The following MYO5A variants were observed in gnomAD, a reference collection of about 807,000 sequenced individuals.
MYO5A encodes the protein myosin VA.
A neutral mutation model predicts 249.7 loss-of-function variants in MYO5A; 98 were observed. That is an observed-to-expected ratio of 0.39 (90% confidence interval 0.33 to 0.46). The LOEUF (loss-of-function observed/expected upper bound fraction) is 0.46, where lower values mean the gene tolerates loss of function less well. Among genes scored for constraint, MYO5A ranks in the 20% least tolerant of loss-of-function variants. MYO5A has a pLI of 0.98. For synonymous variants in MYO5A, 778 were observed against 810.6 expected, an observed-to-expected ratio of 0.96 and a Z score of 0.68; for missense variants, 1,696 against 2,308.8, an observed-to-expected ratio of 0.73 and a Z score of 5.44.
intron 12 of MYO5A, among the ~76,000 whole-genome samples, chr15:52,390,510 C>T (rs1452832429): frequency 6.6e-6 from 1 of 150,792 alleles, no homozygotes; most frequent in Non-Finnish European, 1.5e-5. Flanking sequence ...GAGTAGTCTC[C>T]TCTTGCCATT....
chr15:52,471,015 T>C (rs1007782744), intron 1 of MYO5A, among the ~76,000 whole-genome samples: 2 of 75,788 alleles, frequency 2.6e-5, no homozygotes, highest in African/African-American at 9.6e-5. Context: ...AGAGCAAGAC[T>C]CCATCTCAAA....
rs1428458059 is a variant in MYO5A at position 52,507,697 on chromosome 15, T to C, written c.27+21083A>G. Among the ~76,000 whole-genome samples the C allele has an allele frequency of 5.3e-5, 8 of 150,378 alleles. No individual in the cohort carries two copies. The East Asian group carries it at 1.6e-3, about 30-fold the overall frequency. On this transcript the variant is annotated intron_variant, in intron 1 of 41. Transcript: ENST00000399233. ...AGGGCATAGTGGCATGCACCTGTAG[T>C]CCCAGCCGAAGTGGGAGGATCACTT...
intron 40 of MYO5A, among the ~76,000 whole-genome samples, chr15:52,316,470 T>G (rs1168187727): frequency 6.6e-6 from 1 of 152,166 alleles, no homozygotes; most frequent in East Asian, 1.9e-4. Flanking sequence ...ACTACAGAAT[T>G]TGCTAGAACC....
chr15:52,321,571 T>C (rs2038314526), intron 37 of MYO5A, 62 bp from the exon 38 acceptor site: 3 of 1,565,792 alleles, frequency 1.9e-6, no homozygotes, highest in Middle Eastern at 1.7e-4. Context: ...AGTTTAACTA[T>C]CTCCAATTTG....
intron 14 of MYO5A, among the ~76,000 whole-genome samples, chr15:52,385,597 A>G (rs1350079649): frequency 1.6e-5 from 2 of 126,412 alleles, no homozygotes; most frequent in East Asian, 2.3e-4. Context: ...CTCCTTTTCA[A>G]ATTGTAAGCT....
rs2037728828 is a variant in MYO5A, at chr15:52,310,004, C to A, written c.*3692G>T. On this transcript the variant is annotated 3_prime_UTR_variant, in exon 42 of 42. Coordinates refer to ENST00000399233, the MANE Select transcript of MYO5A (RefSeq NM_001382347.1). ...TTATAATAATATAGTATTTTCATAG[C>A]CTCCCCTAACATGTAGCTGTAACCT... 6.6e-6 allele frequency: 1 copy of A among 152,096 alleles called. No homozygotes were observed. The highest frequency in any genetic ancestry group is 6.6e-5 in the Admixed American group (1 of 15,260). 9.4% of individuals were successfully genotyped at this position (152,096 alleles called of 1,614,324 possible).
At chr15:52,474,162 G>A (rs927052042) in intron 1 of MYO5A, among the ~76,000 whole-genome samples, 1 of 152,150 alleles carries the variant, frequency 6.6e-6, no homozygotes, top group Non-Finnish European at 1.5e-5. Flanking sequence ...ATTGTGAATG[G>A]GAGTTCACTC....
At chr15:52,507,556 A>G (rs2077298885) in intron 1 of MYO5A, among the ~76,000 whole-genome samples, 1 of 152,116 alleles carries the variant, frequency 6.6e-6, no homozygotes, top group Non-Finnish European at 1.5e-5. Context: ...AGGGACTCAC[A>G]CCTGTAATCC....
chr15:52,438,655 A>C (rs763893265), intron 1 of MYO5A, among the ~76,000 whole-genome samples: 16 of 152,244 alleles, frequency 1.1e-4, no homozygotes, highest in Non-Finnish European at 2.1e-4. Context: ...CAGGAGGTAA[A>C]GAAATAGCTA....
chr15:52,437,741 T>G (rs2075698053), intron 1 of MYO5A, among the ~76,000 whole-genome samples: 1 of 152,150 alleles, frequency 6.6e-6, no homozygotes, highest in East Asian at 1.9e-4. Context: ...ATGAGGAGAC[T>G]TTAAATCTAG....
At chr15:52,328,082 C>T in intron 35 of MYO5A, 76 bp from the exon 36 acceptor site, 2 of 1,230,448 alleles carry the variant, frequency 1.6e-6, no homozygotes, top group Admixed American at 1.8e-5. Flanking sequence ...TATAAAAACA[C>T]AGTTGTCATG....
chr15:52,386,259 T>G (rs73410759), intron 14 of MYO5A, among the ~76,000 whole-genome samples: 1 of 151,918 alleles, frequency 6.6e-6, no homozygotes, highest in Admixed American at 6.6e-5. Flanking sequence ...CAGTGAGCCC[T>G]ATGATCATCA....
At chr15:52,362,327 G>A (rs912208018) in intron 24 of MYO5A, among the ~76,000 whole-genome samples, 19 of 152,170 alleles carry the variant, frequency 1.2e-4, no homozygotes, top group African/African-American at 4.6e-4. Flanking sequence ...CAGTGAGAGT[G>A]TCATTTACAG....
At chr15:52,392,754 C>G (rs1377027173) in intron 11 of MYO5A, among the ~76,000 whole-genome samples, 1 of 152,250 alleles carries the variant, frequency 6.6e-6, no homozygotes, top group African/African-American at 2.4e-5. Flanking sequence ...CTACCATGTG[C>G]CAGTCACTGC....
intron 4 of MYO5A, among the ~76,000 whole-genome samples, chr15:52,422,774 T>C (rs1469594510): frequency 6.6e-6 from 1 of 152,170 alleles, no homozygotes; most frequent in Non-Finnish European, 1.5e-5. Flanking sequence ...AGGAATGCAG[T>C]GGCACCATCT....
chr15:52,367,171 A>C (rs1404399702), intron 22 of MYO5A, 47 bp from the exon 23 acceptor site: 1 of 1,499,478 alleles, frequency 6.7e-7, no homozygotes, highest in Non-Finnish European at 9.3e-7. Flanking sequence ...GGACAGAGGA[A>C]GCCTGATGAC....
chr15:52,370,331 T>C lies in MYO5A; in HGVS notation c.2904A>G (p.Leu968=). ...CCTCTTCACTTAGTTGAAGACGTTC[T>C]AAGTCACTTCGTAGTTTCTCAGTCT... ...NSETEKLRSD[L]ERLQLSEEEA... is the part of the protein sequence containing the mutation. The change falls in exon 22 of 42, where the codon TTA becomes TTG. Residue 968 remains leucine (L), a synonymous_variant. Coordinates refer to ENST00000399233, the MANE Select transcript of MYO5A (RefSeq NM_001382347.1). 6.2e-7 allele frequency: 1 copy of C among 1,614,200 alleles called. No individual in the cohort carries two copies. The highest frequency in any genetic ancestry group is 8.5e-7 in the Non-Finnish European group (1 of 1,180,024).
intron 9 of MYO5A, among the ~76,000 whole-genome samples, chr15:52,404,117 T>G (rs763073635): frequency 3.3e-5 from 5 of 152,002 alleles, no homozygotes; most frequent in Non-Finnish European, 5.9e-5. Flanking sequence ...AATAAAAAAT[T>G]AGCTGGGCAT....
intron 1 of MYO5A, among the ~76,000 whole-genome samples, chr15:52,498,469 C>G (rs1380563299): frequency 6.6e-6 from 1 of 152,020 alleles, no homozygotes; most frequent in Non-Finnish European, 1.5e-5. Context: ...GTTCATTTCC[C>G]TAAGAAATAA....
Sources: gnomAD v4.1 joint callset for allele counts (sites outside exome capture counted in the v4.1 genomes callset) on GRCh38, gnomAD v4.1.1 for gene constraint, MANE v1.5 for transcripts, NCBI Gene and HGNC (gene_info 2026-07-23, HGNC 2026-07-21) for gene names.